KDM2B: variants seen among roughly 807,000 people sequenced by gnomAD.
The protein encoded by KDM2B is lysine-specific demethylase 2B.
In KDM2B, 26 loss-of-function variants were observed where a neutral mutation model predicts 150.0. The ratio of observed to expected loss-of-function variants is 0.17; its 90% CI spans 0.13 to 0.24. The LOEUF is 0.24. Among genes scored for constraint, KDM2B ranks in the 10% least tolerant of loss-of-function variants. The pLI, the probability that KDM2B is intolerant of heterozygous loss-of-function variation, is 1.00. For synonymous variants in KDM2B, 734 were observed against 729.5 expected (o/e 1.01, Z -0.10); for missense variants, 1,265 against 1,816.9 (o/e 0.70, Z 5.52).
chr12:121,453,422 C>T lies in KDM2B; in HGVS notation c.1735-78G>A, dbSNP rs1418520132. 2.7e-6 allele frequency: 3 copies of T among 1,128,742 alleles called. No homozygotes were observed. The highest frequency in any genetic ancestry group is 2.5e-6 in the Non-Finnish European group (2 of 797,478). The allele number at this position is 1,128,742 out of a possible 1,614,324, so 69.9% of individuals were successfully genotyped here. The stretch of plus-strand genomic sequence containing the variant: ...GACCCCCGGAAAGGGTGTTAGGGAG[C>T]AAACTGTGTACCCCCAGAAAGACAC... On this transcript the variant is annotated intron_variant, in intron 12 of 22. Transcript: ENST00000377071. The surrounding 1 kb of genome is among the most constrained non-coding windows in gnomAD (Gnocchi z 6.4).
intron 7 of KDM2B, among the ~76,000 whole-genome samples, chr12:121,534,025 G>A (rs1887874585): frequency 6.6e-6 from 1 of 152,068 alleles, no homozygotes; most frequent in African/African-American, 2.4e-5. Flanking sequence ...GGGTGACAGA[G>A]CAAGACCCTA....
intron 4 of KDM2B, among the ~76,000 whole-genome samples, chr12:121,560,495 A>G (rs1305425428): frequency 1.3e-5 from 2 of 152,180 alleles, no homozygotes; most frequent in Non-Finnish European, 1.5e-5. Flanking sequence ...GGGTGCTCAG[A>G]ATTCAGACCT....
Position 121,468,997 on chromosome 12 carries a change from C to T in KDM2B, c.1735-15653G>A, listed in dbSNP as rs1042453009. 5 of 152,004 alleles carry T rather than the reference C, an allele frequency of 3.3e-5. No homozygotes were observed. The highest frequency in any genetic ancestry group is 6.6e-5 in the Admixed American group (1 of 15,250). 9.4% of individuals were successfully genotyped at this position (152,004 alleles called of 1,614,324 possible). On this transcript the variant is annotated intron_variant, in intron 12 of 22. Coordinates refer to ENST00000377071, the MANE Select transcript of KDM2B (RefSeq NM_032590.5). The surrounding 1 kb of genome is among the most constrained non-coding windows in gnomAD (Gnocchi z 4.0). Reference sequence around the variant, plus strand: ...GCAACCTCCACCTCCTGGGTTCAATCGATTCGTGTGCCTCAGCCTCCAGAG... The same window carrying T: ...GCAACCTCCACCTCCTGGGTTCAATTGATTCGTGTGCCTCAGCCTCCAGAG...
the KDM2B span, among the ~76,000 whole-genome samples, chr12:121,412,453 C>CA: frequency 2.4e-4 from 37 of 151,810 alleles, no homozygotes; most frequent in Non-Finnish European, 4.4e-4. Flanking sequence ...CCGTGTCAGC[C>CA]AGGATGGTCT....
In KDM2B at chr12:121,444,192, G is replaced by A. The variant is rs1405950269; in HGVS notation, c.2271C>T (p.Asn757=). ...LLKEQKMNRD[N]KEGQEPAKRR... The stretch of plus-strand genomic sequence containing the variant: ...GCTTGGCAGGTTCCTGCCCTTCCTT[G>A]TTGTCCCGGTTCATCTTCTGCTCCT... The change falls in exon 16 of 23, where the codon AAC becomes AAT. Residue 757 remains asparagine, a synonymous_variant. Transcript: ENST00000377071. 1.2e-6 allele frequency: 2 copies of A among 1,612,948 alleles called. No homozygotes were observed. Among genetic ancestry groups the A allele is most frequent in the Non-Finnish European group, 1.7e-6 (2 of 1,180,022 alleles).
chr12:121,574,464 A>C (rs1891354041), intron 4 of KDM2B, 83 bp downstream of exon 4: 1 of 1,337,602 alleles, frequency 7.5e-7, no homozygotes, highest in Admixed American at 1.9e-5. Context: ...GGCAGTTAAA[A>C]GTCTAAATGG....
At chr12:121,428,056 G>GA (rs1872598433), downstream of KDM2B, among the ~76,000 whole-genome samples, 1 of 152,202 alleles carries the variant, frequency 6.6e-6, no homozygotes, top group Admixed American at 6.5e-5. Flanking sequence ...GCTTACAAAA[G>GA]AAAGTCACAT....
intron 22 of KDM2B, 42 bp downstream of exon 22, chr12:121,439,815 C>T: frequency 6.9e-7 from 1 of 1,456,802 alleles, no homozygotes; most frequent in Non-Finnish European, 9.6e-7. Flanking sequence ...CCTGGTTCTC[C>T]CACGGAGTGT....
downstream of KDM2B, among the ~76,000 whole-genome samples, chr12:121,425,769 C>CT (rs111588236): frequency 0.025 from 3,500 of 141,720 alleles, 132 homozygotes; most frequent in African/African-American, 0.077. Context: ...TTTGTCTAAA[C>CT]TTTTTTTTTT....
rs1217970808 is a variant in KDM2B, at chr12:121,549,158, G to C, written c.577-175C>G. On this transcript the variant is annotated intron_variant, in intron 5 of 22. Transcript: ENST00000377071. The surrounding 1 kb of genome is among the most constrained non-coding windows in gnomAD (Gnocchi z 4.4). ...TGACAGGACCCACACTTTGTAGAAG[G>C]GAAGGAGATGAAACAGTCGCTGGGG... 1.3e-5 allele frequency among the ~76,000 whole-genome samples: 2 copies of C among 152,216 alleles called. No homozygotes were observed. Among genetic ancestry groups the C allele is most frequent in the Admixed American group, 1.3e-4 (2 of 15,274 alleles).
At chr12:121,424,609 G>A (rs1183690562), downstream of KDM2B, among the ~76,000 whole-genome samples, 1 of 151,884 alleles carries the variant, frequency 6.6e-6, no homozygotes, top group African/African-American at 2.4e-5. Flanking sequence ...TACTCAGGAG[G>A]CTGAGGTAGG....
At position 121,509,945 on chromosome 12, in the gene KDM2B, C is replaced by T; in HGVS notation, c.1269G>A (p.Glu423=). The T allele has an allele frequency of 1.2e-6, 2 of 1,612,126 alleles. No homozygotes were observed. The highest frequency in any genetic ancestry group is 8.5e-7 in the Non-Finnish European group (1 of 1,179,280). ...EACDQQPQEE[E]EKDEEGEGRD... ...TGCCCTCGCCCTCCTCGTCCTTCTC[C>T]TCCTCCTCCTGAGGCTGCTGATCAC... is the stretch of plus-strand genomic sequence containing the variant. Residue 423 remains glutamate (E), a synonymous_variant, in exon 11 of 23, where the codon GAG becomes GAA. Coordinates refer to ENST00000377071, the MANE Select transcript of KDM2B (RefSeq NM_032590.5).
At chr12:121,560,767 G>A (rs1890279548) in intron 4 of KDM2B, among the ~76,000 whole-genome samples, 1 of 152,164 alleles carries the variant, frequency 6.6e-6, no homozygotes, top group African/African-American at 2.4e-5. Context: ...AGGCACACAG[G>A]CTGAGTCTCT....
rs1555289557 is a variant in KDM2B, at chr12:121,444,290, G to A, written c.2191-18C>T. The A allele has an allele frequency of 1.2e-6, 2 of 1,613,226 alleles. No homozygotes were observed. Among genetic ancestry groups the A allele is most frequent in the Admixed American group, 1.7e-5 (1 of 59,922 alleles). On this transcript the variant is annotated intron_variant, in intron 15 of 22. Coordinates refer to ENST00000377071, the MANE Select transcript of KDM2B (RefSeq NM_032590.5). ...CGCTTTTGCTTGTAGGCCAAAAAGA[G>A]AGAATGAACAGACCAACTGTATACC... is the stretch of plus-strand genomic sequence containing the variant.
intron 12 of KDM2B, among the ~76,000 whole-genome samples, chr12:121,470,962 T>G (rs1300607780): frequency 6.6e-6 from 1 of 152,238 alleles, no homozygotes; most frequent in African/African-American, 2.4e-5. Flanking sequence ...GGAAGGCCAC[T>G]GTCCTGACAC....
At chr12:121,471,218 G>A (rs1383993816) in intron 12 of KDM2B, among the ~76,000 whole-genome samples, 1 of 151,926 alleles carries the variant, frequency 6.6e-6, no homozygotes. Flanking sequence ...ATCTTCTAGC[G>A]ACCCTAAAAA....
At chr12:121,476,222 G>A (rs1186423261) in intron 12 of KDM2B, among the ~76,000 whole-genome samples, 2 of 151,954 alleles carry the variant, frequency 1.3e-5, no homozygotes. Flanking sequence ...TCAAACCCGG[G>A]AGGCGGAGGT....
At chr12:121,420,527 G>A in the KDM2B span, 1 of 1,594,824 alleles carries the variant, frequency 6.3e-7, no homozygotes, top group East Asian at 2.2e-5. Flanking sequence ...TTAGAGTGGG[G>A]AGGGTCTGGA....
downstream of KDM2B, among the ~76,000 whole-genome samples, chr12:121,428,703 G>A (rs915578837): frequency 3.9e-5 from 6 of 152,080 alleles, no homozygotes; most frequent in Admixed American, 6.6e-5. Flanking sequence ...AAAAAATTCC[G>A]TAATCTAAAA....
Sources: allele counts gnomAD v4.1 joint callset (sites outside exome capture counted in the v4.1 genomes callset), GRCh38; gene constraint gnomAD v4.1.1; non-coding constraint Gnocchi (gnomAD v3.1); transcripts MANE v1.5; gene names NCBI Gene and HGNC (gene_info 2026-07-23, HGNC 2026-07-21).